Variants in NPM1 observed in about 807,000 individuals in gnomAD.
NPM1 encodes the protein nucleophosmin.
In NPM1, 1 loss-of-function variant was observed where a neutral mutation model predicts 44.1. The observed-to-expected ratio is 0.02, with a 90% confidence interval of 0.01 to 0.11. The LOEUF is 0.11. Among genes scored for constraint, NPM1 ranks in the 10% least tolerant of loss-of-function variants. The pLI is 1.00. For missense variants in NPM1, 197 were observed against 347.8 expected, an observed-to-expected ratio of 0.57 and a Z score of 3.45; for synonymous variants, 126 against 111.8, an observed-to-expected ratio of 1.13 and a Z score of -0.80.
intron 6 of NPM1, among the ~76,000 whole-genome samples, 155 bp downstream of exon 6, chr5:171,393,133 CAGTTTA>C (rs1464438873): frequency 6.6e-6 from 1 of 152,186 alleles, no homozygotes; most frequent in Non-Finnish European, 1.5e-5. Context: ...CATCTGTTGT[CAGTTTA>C]AGTTAAATGA....
At chr5:171,389,022 A>G (rs533301871) in intron 1 of NPM1, among the ~76,000 whole-genome samples, 1 of 152,356 alleles carries the variant, frequency 6.6e-6, no homozygotes, top group African/African-American at 2.4e-5. Flanking sequence ...TCTAAATACA[A>G]GAAACACGTA....
rs1770500514 is a variant in NPM1 at position 171,390,218 on chromosome 5, TTGCTGAC to T, written c.138+93_138+99del. ...CATGTGGCTTGAGACTTTTTTTCCTTTGCTGACTGCTTATAAAATACTATTTCTTACA... is the reference window on the plus strand; with the variant it reads ...CATGTGGCTTGAGACTTTTTTTCCTTTGCTTATAAAATACTATTTCTTACA... On this transcript the variant is annotated intron_variant, in intron 2 of 10. Transcript: ENST00000296930. The T allele has an allele frequency of 2.7e-5, 19 of 691,074 alleles. No individual in the cohort carries two copies. The East Asian group carries it at 5.4e-4, about 19-fold the overall frequency. 42.8% of individuals were successfully genotyped at this position (691,074 alleles called of 1,614,324 possible).
chr5:171,406,735 T>C lies in NPM1; in HGVS notation c.772-965T>C, dbSNP rs75508733. ...AATATTTGAATGCATCAATTAAGAA[T>C]GTATGTGACAATAATTTTGAAATGG... is the stretch of plus-strand genomic sequence containing the variant. On this transcript the variant is annotated intron_variant, in intron 9 of 10. Coordinates refer to ENST00000296930, the MANE Select transcript of NPM1 (RefSeq NM_002520.7). 5.0e-4 allele frequency: 562 copies of C among 1,129,470 alleles called. 2 individuals carry two copies. In the African/African-American group the frequency reaches 8.2e-3, roughly 17 times the overall value. 70.0% of individuals were successfully genotyped at this position (1,129,470 alleles called of 1,614,324 possible).
At chr5:171,398,891 T>TCA (rs1329455857) in intron 6 of NPM1, among the ~76,000 whole-genome samples, 1 of 152,210 alleles carries the variant, frequency 6.6e-6, no homozygotes, top group Non-Finnish European at 1.5e-5. Flanking sequence ...GAAATGAGTC[T>TCA]CACTGTCACC....
rs200158439 is a variant in NPM1 at position 171,391,439 on chromosome 5, A to G, written c.258+15A>G. The G allele has an allele frequency of 5.4e-5, 86 of 1,605,172 alleles. No homozygotes were observed. Among genetic ancestry groups the G allele is most frequent in the Admixed American group, 6.7e-5 (4 of 59,910 alleles). On this transcript the variant is annotated intron_variant, in intron 3 of 10. Coordinates refer to ENST00000296930, the MANE Select transcript of NPM1 (RefSeq NM_002520.7). The stretch of plus-strand genomic sequence containing the variant: ...TACAGCCAACGGTAAGGGCACTTAC[A>G]TACTTTGGATGTTGTGTCAAGGTTT...
rs758108952 is a variant in NPM1, at chr5:171,387,942, C to T, written c.-7C>T. 1.9e-6 allele frequency: 3 copies of T among 1,611,954 alleles called. No homozygotes were observed. The highest frequency in any genetic ancestry group is 2.5e-6 in the Non-Finnish European group (3 of 1,179,618). On this transcript the variant is annotated 5_prime_UTR_variant, in exon 1 of 11. Coordinates refer to ENST00000296930, the MANE Select transcript of NPM1 (RefSeq NM_002520.7). The stretch of plus-strand genomic sequence containing the variant: ...TTCTCTCCTACCTAAGTGCGTGCCG[C>T]CACCCGATGGAAGATTCGATGGACA...
chr5:171,392,603 TAAA>T (rs1770635567), intron 4 of NPM1, 104 bp from the exon 5 acceptor site: 4 of 549,818 alleles, frequency 7.3e-6, no homozygotes, highest in African/African-American at 2.0e-5. Flanking sequence ...TTTTTTTTTT[TAAA>T]TAGAATAGAA....
At chr5:171,403,584 T>G (rs1241483639) in intron 8 of NPM1, among the ~76,000 whole-genome samples, 1 of 69,204 alleles carries the variant, frequency 1.4e-5, no homozygotes, top group Non-Finnish European at 3.1e-5. Flanking sequence ...TAGGGGCGGC[T>G]GGGCAGAGGC....
intron 8 of NPM1, among the ~76,000 whole-genome samples, chr5:171,404,312 G>C (rs1175760122): frequency 1.1e-5 from 1 of 94,456 alleles, no homozygotes; most frequent in Non-Finnish European, 2.2e-5. Context: ...GGTGGCTGCC[G>C]GGCGGAGAGG....
intron 1 of NPM1, 54 bp from the exon 2 acceptor site, chr5:171,389,997 A>G (rs986709970): frequency 1.2e-5 from 13 of 1,099,512 alleles, no homozygotes; most frequent in Non-Finnish European, 1.5e-5. Flanking sequence ...ACCCACACTT[A>G]AGTTTCAGTG....
chr5:171,403,651 C>T (rs1484546781), intron 8 of NPM1, among the ~76,000 whole-genome samples: 3 of 137,558 alleles, frequency 2.2e-5, no homozygotes, highest in Non-Finnish European at 4.8e-5. Context: ...CCCCCCCCAC[C>T]TCCCTCCCGG....
At chr5:171,408,490 G>T (rs1367858575) in intron 10 of NPM1, among the ~76,000 whole-genome samples, 1 of 152,030 alleles carries the variant, frequency 6.6e-6, no homozygotes, top group Non-Finnish European at 1.5e-5. Flanking sequence ...GCAATTAGCT[G>T]GTTTTTTTTC....
At chr5:171,406,107 C>T (rs1000980810) in intron 9 of NPM1, among the ~76,000 whole-genome samples, 16 of 152,070 alleles carry the variant, frequency 1.1e-4, no homozygotes, top group African/African-American at 3.9e-4. Context: ...TTTTAGACTC[C>T]AACTATTGAG....
chr5:171,389,409 A>G (rs1000854150), intron 1 of NPM1, among the ~76,000 whole-genome samples: 1 of 152,246 alleles, frequency 6.6e-6, no homozygotes, highest in African/African-American at 2.4e-5. Context: ...TGTATTCAAA[A>G]CATTAAGGCT....
At chr5:171,403,942 C>G (rs1452819760) in intron 8 of NPM1, among the ~76,000 whole-genome samples, 1 of 75,400 alleles carries the variant, frequency 1.3e-5, no homozygotes, top group African/African-American at 5.2e-5. Flanking sequence ...CCGGACGGGG[C>G]GGCTGGCCGG....
At chr5:171,409,487 G>T (rs1771719420) in intron 10 of NPM1, among the ~76,000 whole-genome samples, 1 of 152,198 alleles carries the variant, frequency 6.6e-6, no homozygotes, top group Admixed American at 6.5e-5. Context: ...GGGAGGCAGA[G>T]GTTGCAGTGA....
At chr5:171,393,939 C>T (rs1770726681) in intron 6 of NPM1, among the ~76,000 whole-genome samples, 1 of 152,210 alleles carries the variant, frequency 6.6e-6, no homozygotes, top group African/African-American at 2.4e-5. Context: ...AATAGCAAGA[C>T]CCAATCTCAA....
At chr5:171,388,263 G>A (rs1770368531) in intron 1 of NPM1, among the ~76,000 whole-genome samples, 1 of 152,178 alleles carries the variant, frequency 6.6e-6, no homozygotes, top group Non-Finnish European at 1.5e-5. Context: ...CCCGGGGCCT[G>A]AGGTAAAGTG....
intron 9 of NPM1, chr5:171,406,252 A>T: frequency 5.5e-6 from 4 of 728,814 alleles, no homozygotes; most frequent in Non-Finnish European, 9.5e-6. Context: ...GAACTGGAAC[A>T]TATTTCTTTT....
Sources: gnomAD v4.1 joint callset for allele counts (sites outside exome capture counted in the v4.1 genomes callset) on GRCh38, gnomAD v4.1.1 for gene constraint, MANE v1.5 for transcripts, NCBI Gene and HGNC (gene_info 2026-07-23, HGNC 2026-07-21) for gene names.